Variants in PKD2L1 observed in about 807,000 individuals in gnomAD.
PKD2L1 encodes polycystin-2-like protein 1.
A neutral mutation model predicts 93.0 loss-of-function variants in PKD2L1; 77 were observed. The ratio of observed to expected loss-of-function variants is 0.83; its 90% CI spans 0.69 to 1.00. The LOEUF is 1.00. Among genes scored for constraint, PKD2L1 ranks in the 50% least tolerant of loss-of-function variants. PKD2L1 has a pLI of 0.00. For synonymous variants in PKD2L1, 390 were observed against 388.0 expected, an observed-to-expected ratio of 1.01 and a Z score of -0.06; for missense variants, 977 against 990.9, an observed-to-expected ratio of 0.99 and a Z score of 0.19.
Position 100,293,376 on chromosome 10 carries a change from T to C in PKD2L1, c.1663A>G (p.Met555Val). ...GTGTCATTGATGATGGCCAGGAACATGTTCTGGAAAATGAAGTGGGGACCT... is the reference window on the plus strand; with the variant it reads ...GTGTCATTGATGATGGCCAGGAACACGTTCTGGAAAATGAAGTGGGGACCT... Reference protein sequence around the residue: ...VFFVFFVLLNMFLAIINDTYS... With the variant: ...VFFVFFVLLNVFLAIINDTYS... Residue 555 changes from methionine to valine, a missense_variant, in exon 10 of 16, where the codon ATG (methionine) becomes GTG (valine). Physicochemically the swap from Met to Val is conservative, Grantham distance 21 (BLOSUM62 1). Transcript: ENST00000318222. 6.2e-7 allele frequency: 1 copy of C among 1,609,032 alleles called. No homozygotes were observed. The highest frequency in any genetic ancestry group is 8.5e-7 in the Non-Finnish European group (1 of 1,175,334).
At chr10:100,312,111 T>G (rs1208305936) in intron 2 of PKD2L1, among the ~76,000 whole-genome samples, 1 of 151,950 alleles carries the variant, frequency 6.6e-6, no homozygotes, top group African/African-American at 2.4e-5. Context: ...AGACAGAGAG[T>G]AGGCAGAGGA....
At chr10:100,324,671 TTA>T (rs752151385) in intron 2 of PKD2L1, among the ~76,000 whole-genome samples, 18 of 152,246 alleles carry the variant, frequency 1.2e-4, no homozygotes, top group Admixed American at 4.6e-4. Flanking sequence ...TTTATGCATG[TTA>T]TCTCCAGAAG....
At chr10:100,289,235 G>A (rs1049616450) in intron 14 of PKD2L1, among the ~76,000 whole-genome samples, 179 bp from the exon 15 acceptor site, 1 of 152,222 alleles carries the variant, frequency 6.6e-6, no homozygotes, top group Admixed American at 6.5e-5. Context: ...GCCTTTGGCA[G>A]GGGATTAGAT....
intron 1 of PKD2L1, 86 bp from the exon 2 acceptor site, chr10:100,329,410 C>A: frequency 1.3e-6 from 2 of 1,570,248 alleles, no homozygotes; most frequent in Non-Finnish European, 1.7e-6. Context: ...GGACTTTAGC[C>A]CCTTTCCACC....
chr10:100,294,736 A>T, intron 8 of PKD2L1, 81 bp from the exon 9 acceptor site: 1 of 1,576,794 alleles, frequency 6.3e-7, no homozygotes, highest in South Asian at 1.1e-5. Flanking sequence ...GAGACCCCTC[A>T]CCACACGTTC....
rs1848554277 is a variant in PKD2L1, at chr10:100,296,994, G to C, written c.1171C>G (p.Leu391Val). Residue 391 changes from leucine to valine, a missense_variant, in exon 6 of 16, where the codon CTG becomes GTG. Coordinates refer to ENST00000318222, the MANE Select transcript of PKD2L1 (RefSeq NM_016112.3). ...CTGTCCCTCACCAAGATGACCACCAGGTCCAGTATGTTCCAGATGCTGCTG... is the reference window on the plus strand; with the variant it reads ...CTGTCCCTCACCAAGATGACCACCACGTCCAGTATGTTCCAGATGCTGCTG... ...YLSSIWNILDLVVILLSIVAV... is the reference protein window; with the variant it reads ...YLSSIWNILDVVVILLSIVAV... The C allele has an allele frequency of 1.2e-6, 2 of 1,611,478 alleles. No individual in the cohort carries two copies. The highest frequency in any genetic ancestry group is 1.7e-4 in the Middle Eastern group (1 of 6,056).
intron 2 of PKD2L1, among the ~76,000 whole-genome samples, chr10:100,304,035 A>G (rs1848745111): frequency 6.6e-6 from 1 of 152,252 alleles, no homozygotes; most frequent in African/African-American, 2.4e-5. Context: ...AAGGCAGTAA[A>G]TATTACACGT....
At chr10:100,325,985 C>G (rs1849370928) in intron 2 of PKD2L1, among the ~76,000 whole-genome samples, 1 of 152,156 alleles carries the variant, frequency 6.6e-6, no homozygotes, top group African/African-American at 2.4e-5. Flanking sequence ...GACTTCAGAG[C>G]CTCACTGCTT....
chr10:100,329,956 G>A lies in PKD2L1; in HGVS notation c.148C>T (p.Pro50Ser), dbSNP rs1564618728. 1 of 1,614,052 alleles carries A rather than the reference G, an allele frequency of 6.2e-7. No individual in the cohort carries two copies. Among genetic ancestry groups the A allele is most frequent in the Non-Finnish European group, 8.5e-7 (1 of 1,179,944 alleles). ...TGGGGTTCATCTTCAGGCTTCTTGG[G>A]TTGGGGCTGGAGAGGCCCCGTGCTG... is the stretch of plus-strand genomic sequence containing the variant. Reference protein sequence around the residue: ...ISSTGPLQPQPKKPEDEPQET... With the variant: ...ISSTGPLQPQSKKPEDEPQET... The change falls in exon 1 of 16, where the codon CCC becomes TCC. Residue 50 changes from proline (P) to serine (S), a missense_variant. Physicochemically the swap from Pro to Ser is moderately conservative, Grantham distance 74. Transcript: ENST00000318222.
Position 100,304,529 on chromosome 10 carries a change from T to C in PKD2L1, c.350-4811A>G, listed in dbSNP as rs188589364. Among the ~76,000 whole-genome samples the C allele has an allele frequency of 3.9e-5, 6 of 152,314 alleles. No homozygotes were observed. The East Asian group carries it at 1.2e-3, about 29-fold the overall frequency. The stretch of plus-strand genomic sequence containing the variant: ...CTTTTTTTGAGACAGGGTCTTGCTG[T>C]GTTGCCCAGGCTGGAGTGGGGTGGC... On this transcript the variant is annotated intron_variant, in intron 2 of 15. Coordinates refer to ENST00000318222, the MANE Select transcript of PKD2L1 (RefSeq NM_016112.3).
chr10:100,311,204 G>C (rs1848925027), intron 2 of PKD2L1, among the ~76,000 whole-genome samples: 2 of 152,010 alleles, frequency 1.3e-5, no homozygotes, highest in Admixed American at 1.3e-4. Context: ...TCTTCGCTTT[G>C]GCCACTAGGA....
intron 2 of PKD2L1, among the ~76,000 whole-genome samples, chr10:100,316,891 A>T (rs1849111421): frequency 6.6e-6 from 1 of 152,168 alleles, no homozygotes; most frequent in Non-Finnish European, 1.5e-5. Context: ...GTTCGAGTCC[A>T]GCCTGGGTAA....
In PKD2L1 at chr10:100,294,668, G is replaced by A. The variant is rs1229017125; in HGVS notation, c.1539-13C>T. The A allele has an allele frequency of 1.1e-5, 17 of 1,613,928 alleles. No individual in the cohort carries two copies. Among genetic ancestry groups the A allele is most frequent in the Non-Finnish European group, 1.3e-5 (15 of 1,179,998 alleles). Reference sequence around the variant, plus strand: ...GAACTGAGTGAAACTGAGAGACCAGGTCTGGGCTTTACCCAGAGCCTAACA... The same window carrying A: ...GAACTGAGTGAAACTGAGAGACCAGATCTGGGCTTTACCCAGAGCCTAACA... On this transcript the variant is annotated splice_polypyrimidine_tract_variant and intron_variant, in intron 8 of 15. Transcript: ENST00000318222.
At position 100,298,803 on chromosome 10, in the gene PKD2L1, G is replaced by A; in HGVS notation, c.490C>T (p.Pro164Ser). Residue 164 changes from proline to serine, a missense_variant, in exon 4 of 16, where the codon CCA becomes TCA. By Grantham distance (74) the Pro-to-Ser change is moderately conservative (BLOSUM62 -1). Transcript: ENST00000318222. ...MADFWDFAQG[P>S]LLDSLYWTKW... is the part of the protein sequence containing the mutation. ...GTCCAATACAAACTGTCCAGTAGTGGGCCCTGGGCAAACTGAACCACAAGC... is the reference window on the plus strand; with the variant it reads ...GTCCAATACAAACTGTCCAGTAGTGAGCCCTGGGCAAACTGAACCACAAGC... 1 of 1,611,204 alleles carries A rather than the reference G, an allele frequency of 6.2e-7. No individual in the cohort carries two copies. The highest frequency in any genetic ancestry group is 8.5e-7 in the Non-Finnish European group (1 of 1,178,596).
intron 2 of PKD2L1, among the ~76,000 whole-genome samples, chr10:100,302,534 A>C (rs917745539): frequency 5.2e-5 from 7 of 135,652 alleles, no homozygotes; most frequent in Non-Finnish European, 1.1e-4. Context: ...TCATCTCTAC[A>C]AAAAAAAAAA....
intron 2 of PKD2L1, among the ~76,000 whole-genome samples, chr10:100,315,058 A>G (rs1589677379): frequency 2.1e-4 from 3 of 13,982 alleles, no homozygotes; most frequent in Non-Finnish European, 1.6e-4. Context: ...AGGGAAGGGA[A>G]GGGAAGGGAA....
rs138371714 is a variant in PKD2L1, at chr10:100,291,376, C to G, written c.1932G>C (p.Lys644Asn). ...EITELTATFT[K>N]FDRDGNRILD... ...GAATACGATTCCCATCTCTGTCAAA[C>G]TTGGTGAAGGTGGCCGTGAGCTCAG... Residue 644 changes from lysine to asparagine, a missense_variant, in exon 12 of 16, where the codon AAG becomes AAC. Transcript: ENST00000318222. 1 of 1,613,988 alleles carries G rather than the reference C, an allele frequency of 6.2e-7. No homozygotes were observed. Among genetic ancestry groups the G allele is most frequent in the African/African-American group, 1.3e-5 (1 of 74,890 alleles).
At chr10:100,295,168 A>G (rs1848499728) in intron 7 of PKD2L1, 45 bp from the exon 8 acceptor site, 4 of 1,538,274 alleles carry the variant, frequency 2.6e-6, no homozygotes, top group Admixed American at 1.7e-5. Context: ...GGAAAAGGGA[A>G]AAGCATTGAA....
At position 100,294,532 on chromosome 10, in the gene PKD2L1, C is replaced by T. The variant is rs1848476163; in HGVS notation, c.1659+3G>A. ...TGTCCCCACCCCTCAGAGAGACCCT[C>T]ACCAGGAGCACGAAGAAGACGAAGA... On this transcript the variant is annotated splice_donor_region_variant and intron_variant, in intron 9 of 15. Coordinates refer to ENST00000318222, the MANE Select transcript of PKD2L1 (RefSeq NM_016112.3). 2 of 1,614,050 alleles carry T rather than the reference C, an allele frequency of 1.2e-6. No individual in the cohort carries two copies. Among genetic ancestry groups the T allele is most frequent in the Non-Finnish European group, 1.7e-6 (2 of 1,179,988 alleles).
Sources: allele counts gnomAD v4.1 joint callset (sites outside exome capture counted in the v4.1 genomes callset), GRCh38; gene constraint gnomAD v4.1.1; transcripts MANE v1.5; gene names NCBI Gene and HGNC (gene_info 2026-07-23, HGNC 2026-07-21).